AKAP7: variants seen among roughly 807,000 people sequenced by gnomAD.
The protein encoded by AKAP7 is A-kinase anchoring protein 7, also known as A kinase (PRKA) anchor protein 7.
AKAP7 carries 39 observed loss-of-function variants against 39.5 expected under a neutral mutation model. That is an observed-to-expected ratio of 0.99 (90% confidence interval 0.76 to 1.29). The LOEUF (loss-of-function observed/expected upper bound fraction) is 1.29. Among genes scored for constraint, AKAP7 ranks in the 50% most tolerant of loss-of-function variants. The pLI, the probability that AKAP7 is intolerant of heterozygous loss-of-function variation, is 0.00. For synonymous variants in AKAP7, 140 were observed against 139.1 expected (o/e 1.01, Z -0.05); for missense variants, 414 against 407.7 (o/e 1.02, Z -0.13).
upstream of AKAP7, among the ~76,000 whole-genome samples, chr6:131,134,591 A>C (rs1800407333): frequency 6.6e-6 from 1 of 152,232 alleles, no homozygotes; most frequent in Non-Finnish European, 1.5e-5. Context: ...CTCAAGCATT[A>C]AATAAATATT....
At chr6:131,250,168 A>G in intron 7 of AKAP7, 1 of 991,962 alleles carries the variant, frequency 1.0e-6, no homozygotes, top group Non-Finnish European at 1.2e-6. Context: ...TAATTACTGC[A>G]GTTGTCTGTA....
chr6:131,279,877 T>C (rs1051570864), intron 7 of AKAP7, among the ~76,000 whole-genome samples: 2 of 152,222 alleles, frequency 1.3e-5, no homozygotes, highest in Non-Finnish European at 2.9e-5. Context: ...GATTTTTCCC[T>C]TTTAAATGGG....
At chr6:131,265,696 C>T (rs1813731722) in intron 7 of AKAP7, among the ~76,000 whole-genome samples, 1 of 152,138 alleles carries the variant, frequency 6.6e-6, no homozygotes, top group Admixed American at 6.5e-5. Context: ...AGATGTGGAA[C>T]AGCATTATGG....
chr6:131,165,167 TC>T lies in AKAP7; in HGVS notation c.379del (p.His127IlefsTer6). The T allele has an allele frequency of 6.2e-7, 1 of 1,611,296 alleles. No homozygotes were observed. Among genetic ancestry groups the T allele is most frequent in the East Asian group, 2.2e-5 (1 of 44,810 alleles). Reference protein sequence around the residue: ...AKAMVSDGSFHITLLVMQLLN... With the variant: ...AKAMVSDGSFXITLLVMQLLN... ...AAGCAATGGTCAGTGATGGTTCCTT[TC>T]ATATTACCCTGCTGGTGATGCAATT... On this transcript the variant is annotated frameshift_variant, in exon 4 of 8. Coordinates refer to ENST00000431975, the MANE Select transcript of AKAP7 (RefSeq NM_016377.4). LOFTEE classifies it high-confidence loss of function.
chr6:131,257,683 C>T (rs1328150184), intron 7 of AKAP7, among the ~76,000 whole-genome samples: 1 of 152,062 alleles, frequency 6.6e-6, no homozygotes, highest in Non-Finnish European at 1.5e-5. Context: ...AGGCTGTCAT[C>T]CTAAGATCAC....
chr6:131,187,896 T>G (rs2128267214), intron 5 of AKAP7, among the ~76,000 whole-genome samples: 1 of 152,354 alleles, frequency 6.6e-6, no homozygotes, highest in East Asian at 1.9e-4. Context: ...TTGGATTTGC[T>G]GGTTGTTAGG....
At chr6:131,126,194 G>A in the AKAP7 span, among the ~76,000 whole-genome samples, 69,830 of 151,984 alleles carry the variant, frequency 0.46, 17,410 homozygotes, top group Non-Finnish European at 0.56. Context: ...ATTTTTGGTT[G>A]CTCAGATTAT....
intron 1 of AKAP7, among the ~76,000 whole-genome samples, chr6:131,140,116 A>G (rs1361868102): frequency 6.6e-6 from 1 of 152,206 alleles, no homozygotes; most frequent in African/African-American, 2.4e-5. Context: ...AAGAAGTGAA[A>G]GGGGATCTTC....
At chr6:131,202,615 T>TG (rs1554211020) in intron 6 of AKAP7, among the ~76,000 whole-genome samples, 2 of 54,592 alleles carry the variant, frequency 3.7e-5, no homozygotes, top group Non-Finnish European at 6.9e-5. Context: ...TGTTGTGGGA[T>TG]GGGGGAGGGG....
chr6:131,256,011 T>G (rs532938740), intron 7 of AKAP7, among the ~76,000 whole-genome samples: 1 of 152,314 alleles, frequency 6.6e-6, no homozygotes, highest in East Asian at 1.9e-4. Context: ...CCTGTCTCAT[T>G]TAAGAGTGCA....
chr6:131,256,734 T>C (rs950952498), intron 7 of AKAP7, among the ~76,000 whole-genome samples: 1 of 144,932 alleles, frequency 6.9e-6, no homozygotes, highest in Non-Finnish European at 1.5e-5. Flanking sequence ...ATTATTATTA[T>C]TAAAGAGATG....
At chr6:131,125,896 A>C in the AKAP7 span, among the ~76,000 whole-genome samples, 1 of 152,174 alleles carries the variant, frequency 6.6e-6, no homozygotes. Context: ...AAGTTGATTT[A>C]ATAAACTGTT....
the AKAP7 span, among the ~76,000 whole-genome samples, chr6:131,128,223 C>T: frequency 1.4e-4 from 21 of 151,814 alleles, no homozygotes; most frequent in African/African-American, 3.6e-4. Context: ...AAAAGGTAAA[C>T]GATTTAGAAG....
chr6:131,245,228 A>G (rs965702795), intron 7 of AKAP7, among the ~76,000 whole-genome samples: 6 of 150,644 alleles, frequency 4.0e-5, no homozygotes, highest in Non-Finnish European at 8.9e-5. Flanking sequence ...TGGATTGATT[A>G]TTGAGAGTTG....
Position 131,282,834 on chromosome 6 carries a change from A to G in AKAP7, c.*1108A>G. 2.5e-6 allele frequency: 1 copy of G among 403,322 alleles called. No individual in the cohort carries two copies. The highest frequency in any genetic ancestry group is 4.4e-6 in the Non-Finnish European group (1 of 227,212). 25.0% of individuals were successfully genotyped at this position (403,322 alleles called of 1,614,324 possible). A position where few individuals can be genotyped will look rare whatever the true frequency, so the allele number is the denominator to read the frequency against. On this transcript the variant is annotated 3_prime_UTR_variant, in exon 8 of 8. Transcript: ENST00000431975. ...TCTGTAATATTGAGAGTTATTTTAT[A>G]GAAATGATTTCTTAATTAGCTGTTG...
At chr6:131,218,267 GA>G (rs1158195079) in intron 6 of AKAP7, among the ~76,000 whole-genome samples, 2 of 152,114 alleles carry the variant, frequency 1.3e-5, no homozygotes, top group Non-Finnish European at 2.9e-5. Context: ...TAAATTATGA[GA>G]CTTTCATGCA....
intron 2 of AKAP7, among the ~76,000 whole-genome samples, chr6:131,154,698 G>A (rs1226240661): frequency 6.6e-6 from 1 of 151,742 alleles, no homozygotes; most frequent in Non-Finnish European, 1.5e-5. Context: ...AAAAATACTG[G>A]TAATTCTTAA....
intron 7 of AKAP7, among the ~76,000 whole-genome samples, chr6:131,253,938 G>A (rs1299955346): frequency 6.6e-6 from 1 of 151,982 alleles, no homozygotes; most frequent in African/African-American, 2.4e-5. Flanking sequence ...AGTAAACATC[G>A]GGGTGCAGGT....
chr6:131,272,343 T>C (rs539888181), intron 7 of AKAP7, among the ~76,000 whole-genome samples: 2 of 152,308 alleles, frequency 1.3e-5, no homozygotes, highest in East Asian at 3.9e-4. Flanking sequence ...TGATGTTCTC[T>C]ACTGTTTATC....
Sources: allele counts gnomAD v4.1 joint callset (sites outside exome capture counted in the v4.1 genomes callset), GRCh38; gene constraint gnomAD v4.1.1; transcripts MANE v1.5; gene names NCBI Gene and HGNC (gene_info 2026-07-23, HGNC 2026-07-21).